The following MAP2K6 variants were observed in gnomAD, a reference collection of about 807,000 sequenced individuals.
The protein encoded by MAP2K6 is mitogen-activated protein kinase kinase 6.
In MAP2K6, 16 loss-of-function variants were observed where a neutral mutation model predicts 53.7. That is an observed-to-expected ratio of 0.30 (90% CI 0.20 to 0.45). The LOEUF is 0.45. Among genes scored for constraint, MAP2K6 ranks in the 20% least tolerant of loss-of-function variants. MAP2K6 has a pLI of 1.00. For missense variants in MAP2K6, 204 were observed against 411.9 expected, an observed-to-expected ratio of 0.50 and a Z score of 4.37; for synonymous variants, 132 against 143.1, an observed-to-expected ratio of 0.92 and a Z score of 0.55.
chr17:69,476,300 T>TA (rs929385678), intron 1 of MAP2K6, among the ~76,000 whole-genome samples: 5 of 152,082 alleles, frequency 3.3e-5, no homozygotes, highest in Non-Finnish European at 5.9e-5. Context: ...CATTCTTCAC[T>TA]AAAAAACCCC....
chr17:69,539,466 C>T (rs1306883427), intron 11 of MAP2K6, among the ~76,000 whole-genome samples: 1 of 152,150 alleles, frequency 6.6e-6, no homozygotes, highest in Non-Finnish European at 1.5e-5. Flanking sequence ...TCCCTCTTAA[C>T]CTTTTACAGC....
At chr17:69,470,030 C>T (rs770499315) in intron 1 of MAP2K6, among the ~76,000 whole-genome samples, 1 of 151,856 alleles carries the variant, frequency 6.6e-6, no homozygotes, top group Non-Finnish European at 1.5e-5. Flanking sequence ...GGCAAAACCC[C>T]ATCTCTACAA....
At chr17:69,539,792 A>G (rs954899980) in intron 11 of MAP2K6, among the ~76,000 whole-genome samples, 1 of 152,222 alleles carries the variant, frequency 6.6e-6, no homozygotes, top group Non-Finnish European at 1.5e-5. Context: ...AAAGCTTTTA[A>G]GTACATTAAA....
Position 69,509,775 on chromosome 17 carries a change from C to T in MAP2K6, c.83+3929C>T, listed in dbSNP as rs184897226. Among the ~76,000 whole-genome samples the T allele has an allele frequency of 1.9e-4, 29 of 152,116 alleles. No homozygotes were observed. The East Asian group carries it at 4.8e-3, about 25-fold the overall frequency. ...AACTGTAGGTTTTTTGTAGATGTTA[C>T]TTATGAGGTTGAAAAGGTTCCCAAC... is the stretch of plus-strand genomic sequence containing the variant. On this transcript the variant is annotated intron_variant, in intron 2 of 11. Coordinates refer to ENST00000590474, the MANE Select transcript of MAP2K6 (RefSeq NM_002758.4).
chr17:69,497,335 A>G (rs370781643), intron 1 of MAP2K6, among the ~76,000 whole-genome samples: 75 of 152,320 alleles, frequency 4.9e-4, no homozygotes, highest in Non-Finnish European at 1.0e-3. Flanking sequence ...CTGGAGAAAA[A>G]CATACTTGAG....
At chr17:69,536,221 A>G (rs966236961) in intron 11 of MAP2K6, 61 bp downstream of exon 11, 3 of 1,218,542 alleles carry the variant, frequency 2.5e-6, no homozygotes, top group Non-Finnish European at 3.6e-6. Flanking sequence ...CAAAGTCACT[A>G]AGACCTAAAT....
chr17:69,433,761 G>A (rs1598259622), intron 1 of MAP2K6: 1 of 152,196 alleles, frequency 6.6e-6, no homozygotes, highest in Non-Finnish European at 1.5e-5. Context: ...TCAAGGATTG[G>A]GAGTGGACAG....
chr17:69,517,191 C>T (rs979861604), intron 3 of MAP2K6, among the ~76,000 whole-genome samples: 1 of 151,416 alleles, frequency 6.6e-6, no homozygotes, highest in Non-Finnish European at 1.5e-5. Context: ...TAGTGGGTTA[C>T]AGACACAATG....
At chr17:69,441,859 G>A (rs781458223) in intron 1 of MAP2K6, among the ~76,000 whole-genome samples, 10 of 152,144 alleles carry the variant, frequency 6.6e-5, no homozygotes, top group Non-Finnish European at 1.5e-4. Flanking sequence ...CTGGAGAGAA[G>A]GGACTCCCTG....
intron 1 of MAP2K6, among the ~76,000 whole-genome samples, chr17:69,495,673 T>C (rs1220216983): frequency 1.3e-5 from 2 of 152,168 alleles, no homozygotes; most frequent in Non-Finnish European, 2.9e-5. Flanking sequence ...GCCTTTTTTT[T>C]TGAAGCAAAT....
Position 69,543,689 on chromosome 17 carries a change from G to T in MAP2K6, c.*1936G>T, listed in dbSNP as rs1204475036. 2 of 152,064 alleles carry T rather than the reference G, an allele frequency of 1.3e-5. No individual in the cohort carries two copies. Among genetic ancestry groups the T allele is most frequent in the African/African-American group, 4.8e-5 (2 of 41,392 alleles). The allele number at this position is 152,064 out of a possible 1,614,324, so 9.4% of individuals were successfully genotyped here. A position where few individuals can be genotyped will look rare whatever the true frequency, so the allele number is the denominator to read the frequency against. ...AGGAAGCAATAGGAAAAAAAATCCGGTTACTCCATTTTAGCTTTTGGTGAA... is the reference window on the plus strand; with the variant it reads ...AGGAAGCAATAGGAAAAAAAATCCGTTTACTCCATTTTAGCTTTTGGTGAA... On this transcript the variant is annotated 3_prime_UTR_variant, in exon 12 of 12. Coordinates refer to ENST00000590474, the MANE Select transcript of MAP2K6 (RefSeq NM_002758.4).
At chr17:69,489,622 A>G (rs1010853839) in intron 1 of MAP2K6, among the ~76,000 whole-genome samples, 7 of 152,238 alleles carry the variant, frequency 4.6e-5, no homozygotes, top group Admixed American at 4.6e-4. Context: ...TTTTCACTTT[A>G]AGGGTTACGT....
At chr17:69,526,863 TCA>T (rs906677943) in intron 10 of MAP2K6, among the ~76,000 whole-genome samples, 154 bp downstream of exon 10, 3 of 152,102 alleles carry the variant, frequency 2.0e-5, no homozygotes, top group Admixed American at 6.6e-5. Flanking sequence ...GATGACCGTA[TCA>T]CACTCCCTGC....
At chr17:69,502,933 TA>T in intron 1 of MAP2K6, among the ~76,000 whole-genome samples, 1 of 152,344 alleles carries the variant, frequency 6.6e-6, no homozygotes, top group African/African-American at 2.4e-5. Flanking sequence ...CTTGCTATAT[TA>T]AAGTTTTCCA....
intron 7 of MAP2K6, chr17:69,521,861 C>T (rs963430055): frequency 2.1e-5 from 3 of 145,058 alleles, no homozygotes; most frequent in Non-Finnish European, 4.5e-5. Context: ...AAGTACCAAG[C>T]TGGGTGCCGT....
chr17:69,483,959 T>C (rs890821718), intron 1 of MAP2K6, among the ~76,000 whole-genome samples: 3 of 151,962 alleles, frequency 2.0e-5, no homozygotes, highest in African/African-American at 7.2e-5. Flanking sequence ...ACCAAATACT[T>C]AAATATAAGA....
At chr17:69,514,841 C>T (rs561326294) in intron 2 of MAP2K6, among the ~76,000 whole-genome samples, 60 of 152,164 alleles carry the variant, frequency 3.9e-4, no homozygotes, top group Admixed American at 9.8e-4. Flanking sequence ...GGATTACAGG[C>T]GTGAGCCACT....
chr17:69,546,821 A>T lies in MAP2K6; in HGVS notation c.*5068A>T, dbSNP rs371864250. On this transcript the variant is annotated 3_prime_UTR_variant, in exon 12 of 12. Coordinates refer to ENST00000590474, the MANE Select transcript of MAP2K6 (RefSeq NM_002758.4). ...TTAATGAATTAGCAAGTGAAAAGGTATTTGAATAAATGTCAACTTCATAGG... is the reference window on the plus strand; with the variant it reads ...TTAATGAATTAGCAAGTGAAAAGGTTTTTGAATAAATGTCAACTTCATAGG... 7.9e-5 allele frequency: 12 copies of T among 151,606 alleles called. No homozygotes were observed. In the East Asian group the frequency reaches 1.8e-3, roughly 22 times the overall value. 9.4% of individuals were successfully genotyped at this position (151,606 alleles called of 1,614,324 possible).
At chr17:69,438,451 T>C (rs1598261861) in intron 1 of MAP2K6, among the ~76,000 whole-genome samples, 1 of 152,176 alleles carries the variant, frequency 6.6e-6, no homozygotes, top group African/African-American at 2.4e-5. Context: ...TTACTTTCAG[T>C]GAATTGTGAG....
Sources: allele counts gnomAD v4.1 joint callset (sites outside exome capture counted in the v4.1 genomes callset), GRCh38; gene constraint gnomAD v4.1.1; transcripts MANE v1.5; gene names NCBI Gene and HGNC (gene_info 2026-07-23, HGNC 2026-07-21).